Variants in ABTB3 observed in about 807,000 individuals in gnomAD.
ABTB3 encodes the protein ankyrin repeat- and BTB/POZ domain-containing protein 3.
the ABTB3 span, among the ~76,000 whole-genome samples, chr12:107,402,659 C>T: frequency 1.1e-3 from 167 of 152,284 alleles, no homozygotes; most frequent in South Asian, 2.1e-3. Flanking sequence ...CTAAACATTG[C>T]TTTATTACCT....
chr12:107,340,988 A>T, the ABTB3 span, among the ~76,000 whole-genome samples: 2 of 152,126 alleles, frequency 1.3e-5, no homozygotes, highest in African/African-American at 4.8e-5. Flanking sequence ...ACACACCATT[A>T]CTCAAATCTA....
At chr12:107,406,189 AC>A in the ABTB3 span, among the ~76,000 whole-genome samples, 1 of 152,210 alleles carries the variant, frequency 6.6e-6, no homozygotes, top group African/African-American at 2.4e-5. Context: ...TTATGGCTTC[AC>A]ATACGAAGTG....
At chr12:107,655,190 T>A in the ABTB3 span, among the ~76,000 whole-genome samples, 1 of 152,092 alleles carries the variant, frequency 6.6e-6, no homozygotes. Context: ...TGTCGCCTGA[T>A]GGGATGTGAG....
the ABTB3 span, among the ~76,000 whole-genome samples, chr12:107,625,896 A>G: frequency 6.6e-6 from 1 of 152,176 alleles, no homozygotes; most frequent in African/African-American, 2.4e-5. Context: ...TAGCCTTCCC[A>G]CTTGACTTTT....
chr12:107,335,676 G>A, the ABTB3 span, among the ~76,000 whole-genome samples: 1 of 152,180 alleles, frequency 6.6e-6, no homozygotes, highest in Non-Finnish European at 1.5e-5. Context: ...ACTACCCACG[G>A]AGCTGGGATC....
chr12:107,363,101 A>G, the ABTB3 span, among the ~76,000 whole-genome samples: 12 of 152,356 alleles, frequency 7.9e-5, no homozygotes, highest in East Asian at 1.4e-3. Flanking sequence ...AGATCCAGCT[A>G]AAAGGCCAGA....
chr12:107,495,892 CATAAG>C, the ABTB3 span, among the ~76,000 whole-genome samples: 2 of 152,138 alleles, frequency 1.3e-5, no homozygotes, highest in Admixed American at 6.5e-5. Context: ...GATTACATGA[CATAAG>C]ATATTAAAGT....
chr12:107,566,684 C>A, the ABTB3 span, among the ~76,000 whole-genome samples: 3 of 151,580 alleles, frequency 2.0e-5, no homozygotes. Flanking sequence ...CACACACACA[C>A]AAACATCTTT....
the ABTB3 span, among the ~76,000 whole-genome samples, chr12:107,630,461 C>T: frequency 6.6e-6 from 1 of 152,124 alleles, no homozygotes; most frequent in Non-Finnish European, 1.5e-5. Context: ...AATCATATTT[C>T]CATGGTAGGA....
the ABTB3 span, among the ~76,000 whole-genome samples, chr12:107,528,539 C>T: frequency 2.6e-5 from 4 of 152,194 alleles, no homozygotes; most frequent in African/African-American, 9.7e-5. Flanking sequence ...AAATCACACT[C>T]CATCTATCCA....
At chr12:107,382,634 A>G in the ABTB3 span, among the ~76,000 whole-genome samples, 1 of 151,974 alleles carries the variant, frequency 6.6e-6, no homozygotes, top group South Asian at 2.1e-4. Flanking sequence ...GCTGGAAACC[A>G]TCATCCTCAG....
At chr12:107,320,004 T>C in the ABTB3 span, 5 of 1,576,540 alleles carry the variant, frequency 3.2e-6, no homozygotes, top group Non-Finnish European at 8.6e-7. Context: ...GAGCACACGG[T>C]CAACAACGAC....
chr12:107,466,613 C>G, the ABTB3 span, among the ~76,000 whole-genome samples: 1 of 151,960 alleles, frequency 6.6e-6, no homozygotes, highest in Non-Finnish European at 1.5e-5. Flanking sequence ...GCAAATGAGA[C>G]CTGCCCTGGG....
At chr12:107,532,084 C>T in the ABTB3 span, among the ~76,000 whole-genome samples, 1 of 152,218 alleles carries the variant, frequency 6.6e-6, no homozygotes, top group Non-Finnish European at 1.5e-5. Flanking sequence ...CAAACTTGCC[C>T]CCTCCAGTGG....
chr12:107,431,305 T>C, the ABTB3 span, among the ~76,000 whole-genome samples: 1 of 152,186 alleles, frequency 6.6e-6, no homozygotes, highest in Non-Finnish European at 1.5e-5. Flanking sequence ...TGATACATAG[T>C]AGGTACTTTA....
the ABTB3 span, among the ~76,000 whole-genome samples, chr12:107,621,272 C>G: frequency 6.6e-6 from 1 of 152,164 alleles, no homozygotes; most frequent in East Asian, 1.9e-4. Context: ...CAAATGGGAG[C>G]AGGTGCACCA....
At chr12:107,627,564 G>T in the ABTB3 span, among the ~76,000 whole-genome samples, 1 of 152,190 alleles carries the variant, frequency 6.6e-6, no homozygotes, top group Admixed American at 6.5e-5. Context: ...CCGTTTCAGG[G>T]TTTTACCTGC....
the ABTB3 span, among the ~76,000 whole-genome samples, chr12:107,406,841 C>T: frequency 6.6e-6 from 1 of 152,138 alleles, no homozygotes; most frequent in East Asian, 1.9e-4. Flanking sequence ...CCATCCTTAT[C>T]CCTGGTTGTG....
the ABTB3 span, among the ~76,000 whole-genome samples, chr12:107,585,432 C>T: frequency 1.3e-5 from 2 of 152,184 alleles, no homozygotes; most frequent in Non-Finnish European, 2.9e-5. Flanking sequence ...CAACTAAGTG[C>T]CAATCCCCAT....
Sources: gnomAD v4.1 joint callset for allele counts (sites outside exome capture counted in the v4.1 genomes callset) on GRCh38, gnomAD v4.1.1 for gene constraint, MANE v1.5 for transcripts, NCBI Gene and HGNC (gene_info 2026-07-23, HGNC 2026-07-21) for gene names.